RYR3: variants seen among roughly 807,000 people sequenced by gnomAD.
The protein encoded by RYR3 is brain ryanodine receptor-calcium release channel.
In RYR3, 207 loss-of-function variants were observed where a neutral mutation model predicts 584.3. The ratio of observed to expected loss-of-function variants is 0.35; its 90% CI spans 0.32 to 0.40. The LOEUF is 0.40. Among genes scored for constraint, RYR3 ranks in the 10% least tolerant of loss-of-function variants. RYR3 has a pLI of 1.00. For synonymous variants in RYR3, 2,416 were observed against 2,248.5 expected (o/e 1.07, Z -2.11); for missense variants, 5,616 against 6,089.2 (o/e 0.92, Z 2.59).
At chr15:33,396,202 G>C (rs2042285995) in intron 1 of RYR3, among the ~76,000 whole-genome samples, 1 of 152,182 alleles carries the variant, frequency 6.6e-6, no homozygotes, top group Non-Finnish European at 1.5e-5. Context: ...TTCTGGCCCA[G>C]AATAGTATAC....
At chr15:33,616,374 G>A (rs1566789856) in intron 19 of RYR3, among the ~76,000 whole-genome samples, 1 of 152,194 alleles carries the variant, frequency 6.6e-6, no homozygotes. Flanking sequence ...TTAGAGGGTA[G>A]TGGAGGGATT....
chr15:33,630,282 A>G (rs1215377376), intron 22 of RYR3, among the ~76,000 whole-genome samples: 1 of 152,224 alleles, frequency 6.6e-6, no homozygotes, highest in Non-Finnish European at 1.5e-5. Context: ...GAGGCAGAAA[A>G]GAAACTTAGA....
In RYR3 at chr15:33,732,913, A is replaced by G. The variant is rs77923667; in HGVS notation, c.7424+1219A>G. On this transcript the variant is annotated intron_variant, in intron 48 of 103. Coordinates refer to ENST00000634891, the MANE Select transcript of RYR3 (RefSeq NM_001036.6). ...TGAGTATGGTCTTGATTTCTTGTTG[A>G]ATGAGTTCTTTTCTAATCACAGATG... 5.7e-3 allele frequency among the ~76,000 whole-genome samples: 864 copies of G among 152,240 alleles called. 6 individuals are homozygous for G. Among genetic ancestry groups the G allele is most frequent in the Middle Eastern group, 0.02 (6 of 294 alleles).
intron 1 of RYR3, among the ~76,000 whole-genome samples, chr15:33,396,296 G>A (rs1321894997): frequency 6.6e-6 from 1 of 152,178 alleles, no homozygotes; most frequent in Non-Finnish European, 1.5e-5. Flanking sequence ...CCGTCTGTGT[G>A]AGTGAAGTGA....
intron 98 of RYR3, among the ~76,000 whole-genome samples, chr15:33,857,270 CAG>C (rs2079783688): frequency 6.6e-6 from 1 of 151,914 alleles, no homozygotes; most frequent in Non-Finnish European, 1.5e-5. Flanking sequence ...CTGGTCTCCT[CAG>C]GGGCCTCTCT....
chr15:33,415,945 G>C (rs917962727), intron 1 of RYR3, among the ~76,000 whole-genome samples: 1 of 152,070 alleles, frequency 6.6e-6, no homozygotes, highest in African/African-American at 2.4e-5. Flanking sequence ...CTACTTGTAA[G>C]TGAGAACATC....
At chr15:33,683,631 G>T (rs1334587489) in intron 38 of RYR3, among the ~76,000 whole-genome samples, 2 of 152,210 alleles carry the variant, frequency 1.3e-5, no homozygotes, top group South Asian at 2.1e-4. Flanking sequence ...ACTGGGACTG[G>T]TTGAACAGTG....
chr15:33,748,575 G>A (rs766957842), intron 55 of RYR3, 45 bp downstream of exon 55: 67 of 1,480,900 alleles, frequency 4.5e-5, no homozygotes, highest in Middle Eastern at 1.7e-4. Flanking sequence ...AGTGCAGGAC[G>A]CATTACCTTC....
chr15:33,813,770 A>G (rs1010788439), intron 74 of RYR3, 191 bp downstream of exon 74: 1 of 533,094 alleles, frequency 1.9e-6, no homozygotes, highest in Non-Finnish European at 3.3e-6. Flanking sequence ...CTGAAACCAG[A>G]TGAGATTCTC....
chr15:33,445,664 AACACACACAC>A lies in RYR3; in HGVS notation c.52-27714_52-27705del, dbSNP rs61585713. Among the ~76,000 whole-genome samples the A allele has an allele frequency of 4.7e-3, 503 of 106,038 alleles. 3 individuals carry two copies. The highest frequency in any genetic ancestry group is 0.014 in the South Asian group (37 of 2,576). 69.6% of individuals were successfully genotyped at this position (106,038 alleles called of 152,430 possible). ...AATAAATACCACCCTTTCCCCCACC[AACACACACAC>A]ACACACACACACACACACACACACA... On this transcript the variant is annotated intron_variant, in intron 1 of 103. Coordinates refer to ENST00000634891, the MANE Select transcript of RYR3 (RefSeq NM_001036.6).
rs754273778 is a variant in RYR3, at chr15:33,785,646, T to C, written c.9269-16T>C. ...TGCTTTTGAATTTCTGTCCCTTTATTCTTCCTCTCAATCAGTTCTGGGGAT... is the reference window on the plus strand; with the variant it reads ...TGCTTTTGAATTTCTGTCCCTTTATCCTTCCTCTCAATCAGTTCTGGGGAT... On this transcript the variant is annotated splice_polypyrimidine_tract_variant and intron_variant, in intron 65 of 103. Transcript: ENST00000634891. 1.3e-6 allele frequency: 2 copies of C among 1,541,458 alleles called. No homozygotes were observed. The highest frequency in any genetic ancestry group is 1.8e-6 in the Non-Finnish European group (2 of 1,141,890).
At chr15:33,550,876 C>T (rs565221008) in intron 10 of RYR3, among the ~76,000 whole-genome samples, 1 of 152,134 alleles carries the variant, frequency 6.6e-6, no homozygotes, top group Non-Finnish European at 1.5e-5. Flanking sequence ...TTTACTAGTA[C>T]CTTCCTCGTT....
At chr15:33,483,685 G>A (rs928583357) in intron 2 of RYR3, among the ~76,000 whole-genome samples, 2 of 152,178 alleles carry the variant, frequency 1.3e-5, no homozygotes, top group Admixed American at 6.5e-5. Flanking sequence ...CTTATTCTAA[G>A]CATTTTAGCT....
intron 90 of RYR3, among the ~76,000 whole-genome samples, chr15:33,841,489 A>G (rs1250456381): frequency 2.0e-5 from 3 of 152,198 alleles, no homozygotes; most frequent in Non-Finnish European, 4.4e-5. Context: ...TTAAATACCT[A>G]TTATGTGTCA....
intron 36 of RYR3, among the ~76,000 whole-genome samples, chr15:33,664,148 A>G (rs1261896792): frequency 1.3e-5 from 2 of 152,066 alleles, no homozygotes; most frequent in Non-Finnish European, 2.9e-5. Flanking sequence ...CCTACTTATG[A>G]GAGTTGGCAC....
chr15:33,379,666 C>CCT (rs72425368), intron 1 of RYR3, among the ~76,000 whole-genome samples: 3,580 of 129,218 alleles, frequency 0.028, 179 homozygotes, highest in African/African-American at 0.077. Flanking sequence ...TGTGTGTGTC[C>CCT]CTCTCTCTCT....
intron 1 of RYR3, among the ~76,000 whole-genome samples, chr15:33,444,861 T>C (rs1042762623): frequency 2.0e-5 from 3 of 151,442 alleles, no homozygotes; most frequent in African/African-American, 7.3e-5. Flanking sequence ...CATATGTAAC[T>C]AACCTGCACG....
intron 10 of RYR3, among the ~76,000 whole-genome samples, chr15:33,551,917 G>C (rs2056706980): frequency 6.6e-6 from 1 of 152,242 alleles, no homozygotes; most frequent in African/African-American, 2.4e-5. Context: ...GGGACATGGA[G>C]TGGGAGCTGA....
At chr15:33,776,420 G>T (rs866124661) in intron 64 of RYR3, among the ~76,000 whole-genome samples, 2 of 152,210 alleles carry the variant, frequency 1.3e-5, no homozygotes, top group African/African-American at 2.4e-5. Flanking sequence ...TTTGATGGGG[G>T]TTATTCAAGA....
Sources: allele counts gnomAD v4.1 joint callset (sites outside exome capture counted in the v4.1 genomes callset), GRCh38; gene constraint gnomAD v4.1.1; transcripts MANE v1.5; gene names NCBI Gene and HGNC (gene_info 2026-07-23, HGNC 2026-07-21).